The following SACS variants were observed in gnomAD, a reference collection of about 807,000 sequenced individuals.
SACS encodes the protein sacsin.
A neutral mutation model predicts 348.0 loss-of-function variants in SACS; 197 were observed. That is an observed-to-expected ratio of 0.57 (90% CI 0.50 to 0.64). SACS has a LOEUF of 0.64. SACS is among the 30% of genes least tolerant of loss of function. The pLI is 0.00. For synonymous variants in SACS, 1,985 were observed against 1,910.6 expected (o/e 1.04, Z -1.02); for missense variants, 4,999 against 5,360.8 (o/e 0.93, Z 2.11).
chr13:23,356,158 T>G, intron 7 of SACS, 151 bp from the exon 8 acceptor site: 1 of 693,142 alleles, frequency 1.4e-6, no homozygotes, highest in South Asian at 1.9e-5. Context: ...AGAAATGTAA[T>G]TCTCTGAACA....
intron 6 of SACS, among the ~76,000 whole-genome samples, chr13:23,364,486 C>T (rs4769266): frequency 0.043 from 6,592 of 152,014 alleles, 500 homozygotes; most frequent in African/African-American, 0.15. Flanking sequence ...TTGCCACGTT[C>T]GCCAGGCTGG....
intron 1 of SACS, among the ~76,000 whole-genome samples, chr13:23,419,822 T>G (rs1393047069): frequency 6.6e-6 from 1 of 152,186 alleles, no homozygotes; most frequent in African/African-American, 2.4e-5. Context: ...ATATATTCTT[T>G]GGGGAGGTGA....
In SACS at chr13:23,339,861, T is replaced by C; in HGVS notation, c.4015A>G (p.Ile1339Val). The C allele has an allele frequency of 6.2e-7, 1 of 1,613,736 alleles. No individual in the cohort carries two copies. Among genetic ancestry groups the C allele is most frequent in the Non-Finnish European group, 8.5e-7 (1 of 1,179,890 alleles). Residue 1339 changes from isoleucine (I) to valine (V), a missense_variant, in exon 10 of 10, where the codon ATA becomes GTA. Physicochemically the swap from Ile to Val is conservative, Grantham distance 29. Around this residue, in one of 6 missense-constraint regions of SACS, gnomAD observed 3,156 missense variants for 3,380.1 expected, o/e 0.93. Transcript: ENST00000382292. ...SDHISMVIQK[I>V]YLKSDQDLSE... The stretch of plus-strand genomic sequence containing the variant: ...AGATCTTGGTCACTTTTGAGATATA[T>C]CTTCTGAATAACCATGGAAATATGA...
Position 23,330,148 on chromosome 13 carries a change from T to C in SACS, c.13728A>G (p.Gln4576=). The C allele has an allele frequency of 6.2e-7, 1 of 1,613,840 alleles. No individual in the cohort carries two copies. The highest frequency in any genetic ancestry group is 1.1e-5 in the South Asian group (1 of 91,060). Residue 4576 remains glutamine, a synonymous_variant, in exon 10 of 10, where the codon CAA becomes CAG. Coordinates refer to ENST00000382292, the MANE Select transcript of SACS (RefSeq NM_014363.6). ...CIIIKLENFM[Q]QKV is the part of the protein sequence containing the mutation. The stretch of plus-strand genomic sequence containing the variant: ...TCGTTAAATATCTTCACACTTTTTG[T>C]TGCATAAAATTTTCAAGTTTTATTA...
intron 2 of SACS, among the ~76,000 whole-genome samples, chr13:23,408,720 C>G (rs529029984): frequency 6.6e-6 from 1 of 152,232 alleles, no homozygotes; most frequent in South Asian, 2.1e-4. Flanking sequence ...AATCCCAGCA[C>G]TTCGGGAGGC....
At chr13:23,390,282 T>TA (rs978969678) in intron 2 of SACS, among the ~76,000 whole-genome samples, 6 of 151,670 alleles carry the variant, frequency 4.0e-5, no homozygotes, top group Non-Finnish European at 5.9e-5. Flanking sequence ...CCTGATTAAT[T>TA]AAAAAAAAAT....
In SACS at chr13:23,337,963, T is replaced by G; in HGVS notation, c.5913A>C (p.Lys1971Asn). 6.2e-7 allele frequency: 1 copy of G among 1,614,026 alleles called. No individual in the cohort carries two copies. Among genetic ancestry groups the G allele is most frequent in the Non-Finnish European group, 8.5e-7 (1 of 1,179,940 alleles). The change falls in exon 10 of 10, where the codon AAA becomes AAC. Residue 1971 changes from lysine to asparagine, a missense_variant. Lys to Asn is a moderately conservative substitution (Grantham distance 94). This residue lies in a region of SACS where 3,156 missense variants were observed against 3,380.1 expected (regional missense o/e 0.93). Transcript: ENST00000382292. ...AGAAGACTTTGGTCAGTTCTTTCCC[T>G]TTTCCATGAGCTATATCTTCATAAA... ...QGFYEDIAHG[K>N]GKELTKVFSD...
chr13:23,354,964 C>T lies in SACS; in HGVS notation c.1648G>A (p.Glu550Lys). Residue 550 changes from glutamate to lysine, a missense_variant, in exon 8 of 10, where the codon GAG (glutamate) becomes AAG (lysine). Physicochemically the swap from Glu to Lys is moderately conservative, Grantham distance 56 (BLOSUM62 1). This residue lies in a region of SACS where 3,156 missense variants were observed against 3,380.1 expected (regional missense o/e 0.93). Transcript: ENST00000382292. The stretch of plus-strand genomic sequence containing the variant: ...TGCAACAGCTCGCTGAATAGAGGCT[C>T]TAACACCGGTTGCCAGTGCACCTTG... ...KVKVHWQPVL[E>K]PLFSELLQNA... The T allele has an allele frequency of 6.2e-7, 1 of 1,614,252 alleles. No homozygotes were observed. The highest frequency in any genetic ancestry group is 8.5e-7 in the Non-Finnish European group (1 of 1,180,052).
chr13:23,381,816 A>C (rs780980272), intron 2 of SACS, among the ~76,000 whole-genome samples: 1 of 152,192 alleles, frequency 6.6e-6, no homozygotes, highest in Non-Finnish European at 1.5e-5. Context: ...AAATATTTGG[A>C]GTTAGGGTGA....
chr13:23,344,090 A>T (rs1334149113), intron 9 of SACS, among the ~76,000 whole-genome samples: 1 of 152,204 alleles, frequency 6.6e-6, no homozygotes, highest in Admixed American at 6.6e-5. Flanking sequence ...ATAATTTTAC[A>T]ACATTGTTCT....
chr13:23,430,601 A>C (rs1284555541), intron 1 of SACS, among the ~76,000 whole-genome samples: 1 of 152,214 alleles, frequency 6.6e-6, no homozygotes, highest in African/African-American at 2.4e-5. Context: ...CAAATTCTAG[A>C]TACGTATAGA....
chr13:23,354,232 T>C (rs1350528903), intron 8 of SACS, among the ~76,000 whole-genome samples: 1 of 152,158 alleles, frequency 6.6e-6, no homozygotes, highest in East Asian at 1.9e-4. Flanking sequence ...AATCTGGCCT[T>C]GTTATTATTT....
intron 5 of SACS, among the ~76,000 whole-genome samples, chr13:23,368,095 G>T (rs886668747): frequency 6.6e-5 from 10 of 152,102 alleles, no homozygotes; most frequent in African/African-American, 2.4e-4. Flanking sequence ...TGGTTGGTTG[G>T]TTGGTTGGTT....
Position 23,336,198 on chromosome 13 carries a change from C to G in SACS, c.7678G>C (p.Glu2560Gln). 6.2e-7 allele frequency: 1 copy of G among 1,614,082 alleles called. No homozygotes were observed. Among genetic ancestry groups the G allele is most frequent in the Non-Finnish European group, 8.5e-7 (1 of 1,179,944 alleles). ...CTAGGATCAAACACAAAACAGATTT[C>G]TGTCGCCTTTGCATCATCAGCATTT... ...LQNADDAKATEICFVFDPRQH... is the reference protein window; with the variant it reads ...LQNADDAKATQICFVFDPRQH... Residue 2560 changes from glutamate to glutamine, a missense_variant, in exon 10 of 10, where the codon GAA becomes CAA. Coordinates refer to ENST00000382292, the MANE Select transcript of SACS (RefSeq NM_014363.6).
intron 2 of SACS, among the ~76,000 whole-genome samples, chr13:23,385,947 A>C (rs114378441): frequency 0.013 from 1,905 of 152,288 alleles, 51 homozygotes; most frequent in African/African-American, 0.044. Context: ...TTTGAAAGGA[A>C]TCTTTCTTTC....
intron 9 of SACS, among the ~76,000 whole-genome samples, chr13:23,346,342 T>C (rs896373399): frequency 6.6e-6 from 1 of 152,060 alleles, no homozygotes; most frequent in Non-Finnish European, 1.5e-5. Context: ...GACGAGGTTT[T>C]ACCATCTTGG....
chr13:23,396,299 G>A (rs914309455), intron 2 of SACS, among the ~76,000 whole-genome samples: 39 of 149,708 alleles, frequency 2.6e-4, no homozygotes, highest in Non-Finnish European at 4.4e-4. Flanking sequence ...ATTCCAGCCT[G>A]GGCGACAGAG....
At chr13:23,421,919 C>T (rs933209181) in intron 1 of SACS, among the ~76,000 whole-genome samples, 1 of 151,832 alleles carries the variant, frequency 6.6e-6, no homozygotes, top group Non-Finnish European at 1.5e-5. Context: ...TGGTGTTCAA[C>T]GGGGGCCCAT....
intron 7 of SACS, among the ~76,000 whole-genome samples, chr13:23,356,657 CAAAAACTGGCAG>C (rs1251135320): frequency 4.6e-5 from 7 of 152,180 alleles, no homozygotes; most frequent in African/African-American, 1.7e-4. Context: ...GAGTAGTATT[CAAAAACTGGCAG>C]AAAAACCAGA....
Sources: gnomAD v4.1 joint callset for allele counts (sites outside exome capture counted in the v4.1 genomes callset) on GRCh38, gnomAD v4.1.1 for gene constraint, gnomAD v4.1.1 regional missense constraint, MANE v1.5 for transcripts, NCBI Gene and HGNC (gene_info 2026-07-23, HGNC 2026-07-21) for gene names.